The following ATP2B1 variants were observed in gnomAD, a reference collection of about 807,000 sequenced individuals.
ATP2B1 encodes ATPase plasma membrane Ca2+ transporting 1.
ATP2B1 carries 14 observed loss-of-function variants against 124.2 expected under a neutral mutation model. The ratio of observed to expected loss-of-function variants is 0.11; its 90% CI spans 0.07 to 0.18. The LOEUF is 0.18. ATP2B1 is among the 10% of genes least tolerant of loss of function. The pLI is 1.00. For synonymous variants in ATP2B1, 449 were observed against 492.4 expected, an observed-to-expected ratio of 0.91 and a Z score of 1.17; for missense variants, 763 against 1,466.1, an observed-to-expected ratio of 0.52 and a Z score of 7.83.
intron 9 of ATP2B1, among the ~76,000 whole-genome samples, chr12:89,622,299 A>ATT (rs11400348): frequency 2.7e-4 from 41 of 150,872 alleles, no homozygotes; most frequent in Middle Eastern, 3.4e-3. Context: ...TAGTTGCTTG[A>ATT]TTTTTTTTTA....
intron 20 of ATP2B1, chr12:89,598,630 A>G (rs901024971): frequency 6.2e-7 from 1 of 1,613,972 alleles, no homozygotes; most frequent in Non-Finnish European, 8.5e-7. Context: ...AAAACACTAC[A>G]TGTGTAGGGG....
intron 1 of ATP2B1, among the ~76,000 whole-genome samples, chr12:89,657,386 G>A (rs1057113957): frequency 2.0e-5 from 3 of 152,114 alleles, no homozygotes; most frequent in Non-Finnish European, 4.4e-5. Flanking sequence ...TAGGCATCAT[G>A]CCACTAAATC....
chr12:89,599,079 C>A, intron 20 of ATP2B1, 38 bp downstream of exon 20: 1 of 1,592,786 alleles, frequency 6.3e-7, no homozygotes, highest in Non-Finnish European at 8.6e-7. Flanking sequence ...AAAGCCCTGG[C>A]TCCCATCATC....
At chr12:89,661,779 T>TC (rs1886726411) in intron 1 of ATP2B1, among the ~76,000 whole-genome samples, 1 of 152,198 alleles carries the variant, frequency 6.6e-6, no homozygotes, top group Non-Finnish European at 1.5e-5. Context: ...TAACACAAAA[T>TC]CAATTCCACT....
chr12:89,603,934 GAT>G lies in ATP2B1; in HGVS notation c.2635-11_2635-10del, dbSNP rs1390318898. On this transcript the variant is annotated splice_polypyrimidine_tract_variant and intron_variant, in intron 16 of 20. Coordinates refer to ENST00000428670, the MANE Select transcript of ATP2B1 (RefSeq NM_001366521.1). This position sits in a 1 kb window ranked among gnomAD's most constrained non-coding sequence, Gnocchi z 4.3. Reference sequence around the variant, plus strand: ...GCCTTAAGCGGTGAGTCCTAGAAAAGATATGTTTCCTAATAGACATTCACAAC... The same window carrying G: ...GCCTTAAGCGGTGAGTCCTAGAAAAGATGTTTCCTAATAGACATTCACAAC... The G allele has an allele frequency of 1.9e-6, 3 of 1,612,038 alleles. No homozygotes were observed. The highest frequency in any genetic ancestry group is 2.5e-6 in the Non-Finnish European group (3 of 1,178,610).
intron 18 of ATP2B1, among the ~76,000 whole-genome samples, chr12:89,601,858 G>C (rs368516255): frequency 7.2e-5 from 11 of 152,192 alleles, no homozygotes; most frequent in African/African-American, 2.6e-4. Flanking sequence ...TTGTAGAAAA[G>C]ACTGTATGTT....
At chr12:89,598,457 C>CA (rs1484682167) in intron 20 of ATP2B1, 4 of 1,054,516 alleles carry the variant, frequency 3.8e-6, no homozygotes, top group Admixed American at 2.8e-5. Context: ...TTTGAGGTCT[C>CA]AATCCACTTT....
At chr12:89,640,991 T>C (rs1883415261) in intron 3 of ATP2B1, among the ~76,000 whole-genome samples, 1 of 152,218 alleles carries the variant, frequency 6.6e-6, no homozygotes, top group African/African-American at 2.4e-5. Flanking sequence ...CTAACATAAT[T>C]ACCTTACCCA....
At chr12:89,626,742 AGTGT>A in intron 7 of ATP2B1, 127 bp from the exon 8 acceptor site, 3 of 1,056,718 alleles carry the variant, frequency 2.8e-6, no homozygotes, top group South Asian at 1.9e-5. Context: ...CAGCTTTGTG[AGTGT>A]GTGTGTGTGT....
chr12:89,693,478 A>T (rs956426166), intron 1 of ATP2B1, among the ~76,000 whole-genome samples: 17 of 152,222 alleles, frequency 1.1e-4, no homozygotes, highest in Non-Finnish European at 2.2e-4. Context: ...GGAGCTTCAT[A>T]ATGAGTCCTA....
At chr12:89,679,530 A>G (rs1889080543) in intron 1 of ATP2B1, among the ~76,000 whole-genome samples, 1 of 152,190 alleles carries the variant, frequency 6.6e-6, no homozygotes, top group East Asian at 1.9e-4. Flanking sequence ...TCCCCCAAAA[A>G]GCACAATATC....
intron 2 of ATP2B1, among the ~76,000 whole-genome samples, chr12:89,643,113 T>C (rs939652486): frequency 9.3e-5 from 14 of 150,276 alleles, no homozygotes; most frequent in African/African-American, 3.4e-4. Flanking sequence ...CGTATATATA[T>C]ACGTATATAC....
chr12:89,693,867 C>T (rs1394856651), intron 1 of ATP2B1, among the ~76,000 whole-genome samples: 1 of 152,200 alleles, frequency 6.6e-6, no homozygotes, highest in Non-Finnish European at 1.5e-5. Flanking sequence ...TGGTTCTCTA[C>T]TTTGTTTTAC....
intron 2 of ATP2B1, among the ~76,000 whole-genome samples, chr12:89,648,230 G>A (rs1884766885): frequency 6.6e-6 from 1 of 152,160 alleles, no homozygotes; most frequent in African/African-American, 2.4e-5. Context: ...AGGGAAATGA[G>A]GGAAAGTCTG....
Position 89,642,295 on chromosome 12 carries a change from A to G in ATP2B1, c.269T>C (p.Ile90Thr). 1 of 1,613,872 alleles carries G rather than the reference A, an allele frequency of 6.2e-7. No homozygotes were observed. Among genetic ancestry groups the G allele is most frequent in the Non-Finnish European group, 8.5e-7 (1 of 1,179,922 alleles). ...RREAVFGKNF[I>T]PPKKPKTFLQ... ...AAAGGTTTTTGGCTTTTTAGGAGGTATAAAATTCTTTCCAAACACTGCTTC... is the reference window on the plus strand; with the variant it reads ...AAAGGTTTTTGGCTTTTTAGGAGGTGTAAAATTCTTTCCAAACACTGCTTC... The change falls in exon 3 of 21, where the codon ATA becomes ACA. Residue 90 changes from isoleucine (I) to threonine (T), a missense_variant. Transcript: ENST00000428670.
In ATP2B1 at chr12:89,627,561, C is replaced by T. The variant is rs187804028; in HGVS notation, c.967+117G>A. ...AGGAAGAAAGGTTAACCCAAGCTAA[C>T]GTATATTGTTGATTTTCCCTGCCAC... is the stretch of plus-strand genomic sequence containing the variant. On this transcript the variant is annotated intron_variant, in intron 7 of 20. Transcript: ENST00000428670. The T allele has an allele frequency of 2.1e-4, 237 of 1,111,958 alleles. 1 individual carries two copies. Among genetic ancestry groups the T allele is most frequent in the Middle Eastern group, 9.1e-4 (3 of 3,292 alleles). 68.9% of individuals were successfully genotyped at this position (1,111,958 alleles called of 1,614,324 possible).
intron 12 of ATP2B1, among the ~76,000 whole-genome samples, chr12:89,615,471 T>G (rs2136039339): frequency 6.6e-6 from 1 of 152,314 alleles, no homozygotes; most frequent in South Asian, 2.1e-4. Context: ...CCTACTTAGC[T>G]GTCTTCTTCC....
chr12:89,638,206 A>C (rs897216466), intron 3 of ATP2B1, among the ~76,000 whole-genome samples: 12 of 152,220 alleles, frequency 7.9e-5, no homozygotes, highest in Non-Finnish European at 1.5e-4. Context: ...GCTCAAATAT[A>C]ATAATAAAAA....
rs370110662 is a variant in ATP2B1 at position 89,654,535 on chromosome 12, T to C, written c.208+1144A>G. Among the ~76,000 whole-genome samples, 4 of 152,276 alleles carry C rather than the reference T, an allele frequency of 2.6e-5. No homozygotes were observed. In the East Asian group the frequency reaches 5.8e-4, roughly 22 times the overall value. On this transcript the variant is annotated intron_variant, in intron 2 of 20. Transcript: ENST00000428670. Reference sequence around the variant, plus strand: ...TCTAAAGAAGCCCTGTTGGGACATGTGTGAATACTGACTCTGGCTTCCTCA... The same window carrying C: ...TCTAAAGAAGCCCTGTTGGGACATGCGTGAATACTGACTCTGGCTTCCTCA...
Sources: gnomAD v4.1 joint callset for allele counts (sites outside exome capture counted in the v4.1 genomes callset) on GRCh38, gnomAD v4.1.1 for gene constraint, Gnocchi (gnomAD v3.1) non-coding constraint, MANE v1.5 for transcripts, NCBI Gene and HGNC (gene_info 2026-07-23, HGNC 2026-07-21) for gene names.